PZP: variants seen among roughly 807,000 people sequenced by gnomAD.
The protein encoded by PZP is PZP alpha-2-macroglobulin like, also known as pregnancy zone protein.
A neutral mutation model predicts 179.8 loss-of-function variants in PZP; 150 were observed. The observed-to-expected ratio is 0.83, with a 90% CI of 0.73 to 0.96. The LOEUF (loss-of-function observed/expected upper bound fraction) is 0.96, where lower values mean the gene tolerates loss of function less well. Among genes scored for constraint, PZP ranks in the 40% least tolerant of loss-of-function variants. The probability of loss-of-function intolerance (pLI) is 0.00; values close to 1 mark genes in which losing one functional copy is unlikely to be tolerated. For missense variants in PZP, 1,689 were observed against 1,764.0 expected (o/e 0.96, Z 0.76); for synonymous variants, 624 against 652.3 (o/e 0.96, Z 0.66).
chr12:9,180,888 C>T lies in PZP; in HGVS notation c.1839+95G>A, dbSNP rs188890727. 7.3e-5 allele frequency: 100 copies of T among 1,373,598 alleles called. 1 individual carries two copies. The highest frequency in any genetic ancestry group is 1.9e-4 in the South Asian group (11 of 58,958). The allele number at this position is 1,373,598 out of a possible 1,614,324, so 85.1% of individuals were successfully genotyped here. On this transcript the variant is annotated intron_variant, in intron 15 of 35. Transcript: ENST00000261336. The stretch of plus-strand genomic sequence containing the variant: ...AACCTACAAAATGGGAGAAAATTTT[C>T]GCAACCTACTCATCTGACAAAGGGC...
At chr12:9,157,549 G>C (rs1940852504) in intron 27 of PZP, among the ~76,000 whole-genome samples, 194 bp from the exon 28 acceptor site, 1 of 152,202 alleles carries the variant, frequency 6.6e-6, no homozygotes. Context: ...AATAAGACTA[G>C]AGAACCTGTT....
chr12:9,159,988 GC>G lies in PZP; in HGVS notation c.3086del (p.Gly1029AlafsTer24), dbSNP rs2120649200. On this transcript the variant is annotated frameshift_variant, in exon 25 of 36. Coordinates refer to ENST00000261336, the MANE Select transcript of PZP (RefSeq NM_002864.3). LOFTEE classifies it high-confidence loss of function. ...QRQLNYKHQD[G>X]SYSTFGERYG... ...ATCGTTCCCCAAAGGTGCTGTAGGA[GC>G]CATCTTGGTGTTTGTAGTTCAGCTG... is the stretch of plus-strand genomic sequence containing the variant. 6.2e-7 allele frequency: 1 copy of G among 1,613,968 alleles called. No individual in the cohort carries two copies. Among genetic ancestry groups the G allele is most frequent in the East Asian group, 2.2e-5 (1 of 44,878 alleles).
At chr12:9,168,263 A>G (rs1941730411) in intron 17 of PZP, among the ~76,000 whole-genome samples, 1 of 152,226 alleles carries the variant, frequency 6.6e-6, no homozygotes, top group African/African-American at 2.4e-5. Context: ...CTGATTTCCA[A>G]TCCGAGCATA....
At chr12:9,193,718 A>AGTGT (rs143202543) in intron 11 of PZP, among the ~76,000 whole-genome samples, 1 of 151,804 alleles carries the variant, frequency 6.6e-6, no homozygotes, top group Non-Finnish European at 1.5e-5. Context: ...GTGTATATTA[A>AGTGT]GTGTGTGTGT....
At position 9,200,985 on chromosome 12, in the gene PZP, G is replaced by C. The variant is rs1390156931; in HGVS notation, c.577C>G (p.Leu193Val). The C allele has an allele frequency of 1.2e-6, 2 of 1,613,996 alleles. No homozygotes were observed. Residue 193 changes from leucine to valine, a missense_variant, in exon 6 of 36, where the codon CTC becomes GTC. Transcript: ENST00000261336. ...EAGINQLSFP[L>V]SSEPIQGSYR... Reference sequence around the variant, plus strand: ...GAGCCCTGAATGGGCTCTGATGAGAGGGGAAAGGACAACTGATTGATGCCA... The same window carrying C: ...GAGCCCTGAATGGGCTCTGATGAGACGGGAAAGGACAACTGATTGATGCCA...
Position 9,201,303 on chromosome 12 carries a change from T to G in PZP, c.501+24A>C, listed in dbSNP as rs752237390. The G allele has an allele frequency of 3.3e-6, 5 of 1,515,098 alleles. No homozygotes were observed. The South Asian group carries it at 4.5e-5, about 14-fold the overall frequency. 93.9% of individuals were successfully genotyped at this position (1,515,098 alleles called of 1,614,324 possible). A position where few individuals can be genotyped will look rare whatever the true frequency, so the allele number is the denominator to read the frequency against. On this transcript the variant is annotated intron_variant, in intron 5 of 35. Coordinates refer to ENST00000261336, the MANE Select transcript of PZP (RefSeq NM_002864.3). ...CTCTCTAAAAGCACTAATTTCCTTA[T>G]AAGATACTTTTTCTGATACTTACCT... is the stretch of plus-strand genomic sequence containing the variant.
At chr12:9,167,987 A>G (rs1224183746) in intron 17 of PZP, among the ~76,000 whole-genome samples, 2 of 152,198 alleles carry the variant, frequency 1.3e-5, no homozygotes, top group Admixed American at 6.5e-5. Flanking sequence ...GGTATACTTA[A>G]ACAGTCCATG....
the PZP span, among the ~76,000 whole-genome samples, chr12:9,139,189 C>T: frequency 6.6e-6 from 1 of 152,030 alleles, no homozygotes; most frequent in Non-Finnish European, 1.5e-5. Context: ...CACTCAATGA[C>T]TTTTCAAGAG....
Position 9,196,642 on chromosome 12 carries a change from A to G in PZP, c.911T>C (p.Met304Thr), listed in dbSNP as rs1197495373. The change falls in exon 9 of 36, where the codon ATG (methionine) becomes ACG (threonine). Residue 304 changes from methionine (M) to threonine (T), a missense_variant. Transcript: ENST00000261336. ...GCITQQVHTK[M>T]LQITNTGFEM... ...AAAGCCCGTATTTGTAATCTGGAGC[A>G]TTTTGGTGTGTACTTGTTGGGTGAT... 1.9e-6 allele frequency: 3 copies of G among 1,613,854 alleles called. No individual in the cohort carries two copies. The Middle Eastern group carries it at 5.0e-4, about 266-fold the overall frequency.
intron 25 of PZP, among the ~76,000 whole-genome samples, chr12:9,159,681 A>G (rs1941028344): frequency 6.6e-6 from 1 of 151,796 alleles, no homozygotes; most frequent in Non-Finnish European, 1.5e-5. Context: ...AGCCCATTCA[A>G]TCCTCTAGTC....
At chr12:9,153,436 G>T (rs1248849219) in intron 29 of PZP, 93 bp from the exon 30 acceptor site, 2 of 1,031,126 alleles carry the variant, frequency 1.9e-6, no homozygotes. Context: ...CATGAGGGAA[G>T]CTGGCTTTTT....
In PZP at chr12:9,154,787, A is replaced by T. The variant is rs1245108423; in HGVS notation, c.3603T>A (p.His1201Gln). Reference protein sequence around the residue: ...RPQRPKAPVGHLYQTQAPSAE... With the variant: ...RPQRPKAPVGQLYQTQAPSAE... ...CAGAGGGAGCCTGGGTTTGGTAAAG[A>T]TGCCCCACTGGTGCCTTGGGTCTCT... Residue 1201 changes from histidine to glutamine, a missense_variant, in exon 29 of 36, where the codon CAT (histidine) becomes CAA (glutamine). Physicochemically the swap from His to Gln is conservative, Grantham distance 24. Around this residue, in one of 3 missense-constraint regions of PZP, gnomAD observed 746 missense variants for 749.2 expected, o/e 1.00. Coordinates refer to ENST00000261336, the MANE Select transcript of PZP (RefSeq NM_002864.3). 7 of 1,614,116 alleles carry T rather than the reference A, an allele frequency of 4.3e-6. No individual in the cohort carries two copies. In the Admixed American group the frequency reaches 1.2e-4, roughly 27 times the overall value.
At chr12:9,188,114 G>A (rs1210121156) in intron 13 of PZP, among the ~76,000 whole-genome samples, 4 of 152,146 alleles carry the variant, frequency 2.6e-5, no homozygotes, top group Admixed American at 6.5e-5. Flanking sequence ...ACATTGATGC[G>A]AAAATCCTCA....
intron 23 of PZP, 132 bp from the exon 24 acceptor site, chr12:9,160,622 T>TAA: frequency 1.2e-6 from 1 of 818,946 alleles, no homozygotes; most frequent in African/African-American, 1.7e-5. Flanking sequence ...AGAGTGTGAC[T>TAA]TCCAGAATCC....
At chr12:9,136,988 A>C in the PZP span, among the ~76,000 whole-genome samples, 1 of 152,080 alleles carries the variant, frequency 6.6e-6, no homozygotes, top group Non-Finnish European at 1.5e-5. Flanking sequence ...TTGTCTTTTC[A>C]CTTTGTTGAT....
rs767573965 is a variant in PZP, at chr12:9,202,929, G to A, written c.268-245C>T. 5.9e-5 allele frequency among the ~76,000 whole-genome samples: 9 copies of A among 152,230 alleles called. No homozygotes were observed. The East Asian group carries it at 1.5e-3, about 26-fold the overall frequency. On this transcript the variant is annotated intron_variant, in intron 2 of 35. Transcript: ENST00000261336. ...TAGAGCTCTAGTTATTAAATTAGAT[G>A]CCTTTTAACTGAGTATGTATATTCT...
At chr12:9,144,419 ACT>A (rs1344965815), downstream of PZP, among the ~76,000 whole-genome samples, 2 of 151,876 alleles carry the variant, frequency 1.3e-5, no homozygotes, top group South Asian at 2.1e-4. Context: ...TTGGCCAGAG[ACT>A]CTCAGGATCC....
At position 9,162,634 on chromosome 12, in the gene PZP, C is replaced by A. The variant is rs749351234; in HGVS notation, c.2751G>T (p.Glu917Asp). ...TCATAGAACTGAAAGTCTTTTCTTGCTCAATACCTTCAGCCTTGGATGAAA... is the reference window on the plus strand; with the variant it reads ...TCATAGAACTGAAAGTCTTTTCTTGATCAATACCTTCAGCCTTGGATGAAA... Reference protein sequence around the residue: ...KTLLVEAEGIEQEKTFSSMTC... With the variant: ...KTLLVEAEGIDQEKTFSSMTC... The change falls in exon 22 of 36, where the codon GAG (glutamate) becomes GAT (aspartate). Residue 917 changes from glutamate (E) to aspartate (D), a missense_variant. By Grantham distance (45) the Glu-to-Asp change is conservative. Transcript: ENST00000261336. The A allele has an allele frequency of 3.1e-6, 5 of 1,594,382 alleles. No individual in the cohort carries two copies. In the African/African-American group the frequency reaches 5.4e-5, roughly 17 times the overall value.
chr12:9,198,308 C>T (rs1362555408), intron 7 of PZP, among the ~76,000 whole-genome samples: 1 of 152,022 alleles, frequency 6.6e-6, no homozygotes, highest in Non-Finnish European at 1.5e-5. Flanking sequence ...GCTAAGATTG[C>T]TCCACTGCAC....
Sources: allele counts gnomAD v4.1 joint callset (sites outside exome capture counted in the v4.1 genomes callset), GRCh38; gene constraint gnomAD v4.1.1; regional missense constraint gnomAD v4.1.1; transcripts MANE v1.5; gene names NCBI Gene and HGNC (gene_info 2026-07-23, HGNC 2026-07-21).